TUSC3: variants seen among roughly 807,000 people sequenced by gnomAD.
TUSC3 encodes dolichyl-diphosphooligosaccharide--protein glycosyltransferase subunit TUSC3.
A neutral mutation model predicts 44.8 loss-of-function variants in TUSC3; 45 were observed. The observed-to-expected ratio is 1.00, with a 90% CI of 0.79 to 1.29. TUSC3 has a LOEUF of 1.29. TUSC3 is among the 50% of genes most tolerant of loss of function. TUSC3 has a pLI of 0.00. For missense variants in TUSC3, 519 were observed against 437.9 expected (o/e 1.19, Z -1.65); for synonymous variants, 212 against 152.9 (o/e 1.39, Z -2.85).
chr8:15,828,726 A>G, the TUSC3 span, among the ~76,000 whole-genome samples: 2 of 152,354 alleles, frequency 1.3e-5, no homozygotes, highest in African/African-American at 4.8e-5. Context: ...GATACCACAG[A>G]CAGCTGAAAT....
the TUSC3 span, among the ~76,000 whole-genome samples, chr8:15,824,060 A>T: frequency 6.6e-6 from 1 of 152,368 alleles, no homozygotes; most frequent in Middle Eastern, 3.4e-3. Flanking sequence ...ATGTTTTAGC[A>T]ATCAACTACA....
chr8:15,456,939 G>A (rs1277779427), intron 1 of TUSC3, among the ~76,000 whole-genome samples: 2 of 151,966 alleles, frequency 1.3e-5, no homozygotes, highest in Non-Finnish European at 2.9e-5. Flanking sequence ...TTCATCAAAG[G>A]GCACCTTTAT....
At chr8:15,776,106 G>A in the TUSC3 span, among the ~76,000 whole-genome samples, 6 of 151,982 alleles carry the variant, frequency 3.9e-5, no homozygotes, top group African/African-American at 9.7e-5. Context: ...TTATCATGAC[G>A]GAGAGGGTAG....
chr8:15,704,226 A>T (rs1322939127), intron 6 of TUSC3, among the ~76,000 whole-genome samples: 1 of 150,860 alleles, frequency 6.6e-6, no homozygotes, highest in East Asian at 2.0e-4. Flanking sequence ...AGCAAGTGCA[A>T]AGGCCCCAAA....
At chr8:15,573,202 C>CTCTCTCTATATA (rs1435847916) in intron 1 of TUSC3, among the ~76,000 whole-genome samples, 13 of 74,180 alleles carry the variant, frequency 1.8e-4, no homozygotes, top group Admixed American at 1.9e-4. Context: ...CTCTCTCTCT[C>CTCTCTCTATATA]TATATATATA....
At chr8:15,424,672 A>C (rs1218407936) in intron 1 of TUSC3, among the ~76,000 whole-genome samples, 1 of 152,112 alleles carries the variant, frequency 6.6e-6, no homozygotes, top group Non-Finnish European at 1.5e-5. Flanking sequence ...CGAGGTCAGG[A>C]GATCGAGACT....
At chr8:15,844,430 C>G in the TUSC3 span, among the ~76,000 whole-genome samples, 2 of 151,740 alleles carry the variant, frequency 1.3e-5, no homozygotes, top group Non-Finnish European at 2.9e-5. Flanking sequence ...TAATATGTGG[C>G]CTAATAAATC....
chr8:15,789,504 T>G, the TUSC3 span, among the ~76,000 whole-genome samples: 2 of 152,178 alleles, frequency 1.3e-5, no homozygotes, highest in African/African-American at 4.8e-5. Flanking sequence ...GATGCCTAAT[T>G]AAGGCCATTA....
At chr8:15,708,987 A>G (rs1457113767) in intron 6 of TUSC3, among the ~76,000 whole-genome samples, 3 of 151,954 alleles carry the variant, frequency 2.0e-5, no homozygotes, top group African/African-American at 7.2e-5. Flanking sequence ...TACTTAATTT[A>G]GATTTGATAA....
intron 1 of TUSC3, among the ~76,000 whole-genome samples, chr8:15,619,190 G>A (rs1395737461): frequency 1.3e-5 from 2 of 152,068 alleles, no homozygotes; most frequent in African/African-American, 2.4e-5. Context: ...CTAAGAATAG[G>A]CGAGATTTCA....
At chr8:15,764,058 C>G (rs1461161743) in intron 10 of TUSC3, 145 bp from the exon 11 acceptor site, 17 of 845,898 alleles carry the variant, frequency 2.0e-5, no homozygotes, top group Admixed American at 1.6e-4. Flanking sequence ...AAAAATTGCC[C>G]TGATGTAAAA....
At chr8:15,663,866 C>G (rs1807535778) in intron 5 of TUSC3, among the ~76,000 whole-genome samples, 1 of 151,822 alleles carries the variant, frequency 6.6e-6, no homozygotes, top group African/African-American at 2.4e-5. Flanking sequence ...AAATGCAGTA[C>G]TTTCACTGTG....
chr8:15,758,825 T>C lies in TUSC3; in HGVS notation c.*46+970T>C, dbSNP rs1005010029. 5.3e-5 allele frequency among the ~76,000 whole-genome samples: 8 copies of C among 152,150 alleles called. No homozygotes were observed. The East Asian group carries it at 1.5e-3, about 29-fold the overall frequency. On this transcript the variant is annotated intron_variant, in intron 10 of 10. Coordinates refer to ENST00000503731, the MANE Select transcript of TUSC3 (RefSeq NM_006765.4). The stretch of plus-strand genomic sequence containing the variant: ...CTGTGTAGAAAATTGGCCTGAGCAC[T>C]AGGAGACTGGACTGCTGTTGCCCCA...
intron 1 of TUSC3, among the ~76,000 whole-genome samples, chr8:15,572,320 A>G (rs1372019692): frequency 6.6e-6 from 1 of 152,150 alleles, no homozygotes; most frequent in East Asian, 1.9e-4. Context: ...CTCATGAACC[A>G]ACCTCTGCCA....
intron 2 of TUSC3, among the ~76,000 whole-genome samples, chr8:15,526,446 T>G (rs1406954729): frequency 1.3e-5 from 2 of 152,272 alleles, no homozygotes; most frequent in East Asian, 3.9e-4. Context: ...CATCTTGAAC[T>G]GTAGCTCCAA....
intron 2 of TUSC3, among the ~76,000 whole-genome samples, chr8:15,495,469 A>T (rs1333983021): frequency 6.6e-6 from 1 of 151,970 alleles, no homozygotes; most frequent in Non-Finnish European, 1.5e-5. Flanking sequence ...CTCCAGCAGG[A>T]CTCCATTTAT....
intron 1 of TUSC3, among the ~76,000 whole-genome samples, chr8:15,603,746 C>T (rs1036442021): frequency 2.0e-5 from 3 of 151,000 alleles, no homozygotes; most frequent in Non-Finnish European, 4.4e-5. Flanking sequence ...AAAGTACCTG[C>T]GATTCCTATG....
At chr8:15,832,044 G>A in the TUSC3 span, among the ~76,000 whole-genome samples, 3 of 152,158 alleles carry the variant, frequency 2.0e-5, no homozygotes, top group African/African-American at 4.8e-5. Context: ...GAGCTAGAGA[G>A]AAAGGTCAAG....
intron 2 of TUSC3, among the ~76,000 whole-genome samples, chr8:15,483,673 T>TTTTTTTTTTTTA (rs57108938): frequency 8.1e-6 from 1 of 124,164 alleles, no homozygotes. Flanking sequence ...TTTTTTTTTT[T>TTTTTTTTTTTTA]GAGACTAAGT....
Sources: allele counts gnomAD v4.1 joint callset (sites outside exome capture counted in the v4.1 genomes callset), GRCh38; gene constraint gnomAD v4.1.1; transcripts MANE v1.5; gene names NCBI Gene and HGNC (gene_info 2026-07-23, HGNC 2026-07-21).